The following KPNA4 variants were observed in gnomAD, a reference collection of about 807,000 sequenced individuals.
KPNA4 encodes the protein importin subunit alpha-3.
KPNA4 carries 13 observed loss-of-function variants against 71.3 expected under a neutral mutation model. That is an observed-to-expected ratio of 0.18 (90% CI 0.12 to 0.29). The LOEUF is 0.29. Among genes scored for constraint, KPNA4 ranks in the 10% least tolerant of loss-of-function variants. The probability of loss-of-function intolerance (pLI) is 1.00; values close to 1 mark genes in which losing one functional copy is unlikely to be tolerated. For synonymous variants in KPNA4, 189 were observed against 195.2 expected (o/e 0.97, Z 0.26); for missense variants, 334 against 603.2 (o/e 0.55, Z 4.67).
At chr3:160,536,210 C>T (rs1298862527) in intron 2 of KPNA4, among the ~76,000 whole-genome samples, 1 of 151,982 alleles carries the variant, frequency 6.6e-6, no homozygotes, top group South Asian at 2.1e-4. Context: ...CAGAACCAAA[C>T]ACAAATATTT....
intron 13 of KPNA4, among the ~76,000 whole-genome samples, chr3:160,511,930 T>C (rs1423235976): frequency 3.3e-5 from 5 of 152,006 alleles, no homozygotes; most frequent in African/African-American, 1.2e-4. Flanking sequence ...GATGTAAATA[T>C]AAAATCATAG....
intron 16 of KPNA4, 136 bp downstream of exon 16, chr3:160,504,822 A>G: frequency 2.7e-6 from 1 of 371,908 alleles, no homozygotes; most frequent in Non-Finnish European, 4.7e-6. Flanking sequence ...AAAGCAGGTG[A>G]CATTACTGTC....
intron 1 of KPNA4, among the ~76,000 whole-genome samples, chr3:160,564,056 A>G (rs1722293645): frequency 1.3e-5 from 2 of 152,258 alleles, no homozygotes; most frequent in South Asian, 4.1e-4. Context: ...CGAGAACAAC[A>G]TAAAAAATAC....
intron 1 of KPNA4, among the ~76,000 whole-genome samples, chr3:160,543,552 C>T (rs534056787): frequency 2.6e-5 from 4 of 152,214 alleles, no homozygotes; most frequent in African/African-American, 7.2e-5. Flanking sequence ...AGGCTAGTCT[C>T]GAACTCCTGA....
At chr3:160,505,804 T>C (rs1295530831) in intron 15 of KPNA4, among the ~76,000 whole-genome samples, 1 of 152,202 alleles carries the variant, frequency 6.6e-6, no homozygotes, top group Admixed American at 6.5e-5. Flanking sequence ...CTACTACACA[T>C]AGGCTGAGGA....
chr3:160,532,755 T>C (rs985359246), intron 5 of KPNA4, among the ~76,000 whole-genome samples: 1 of 152,206 alleles, frequency 6.6e-6, no homozygotes, highest in Admixed American at 6.5e-5. Flanking sequence ...TTTATCAATG[T>C]AAACTCCTTG....
At chr3:160,548,226 G>T (rs372744170) in intron 1 of KPNA4, among the ~76,000 whole-genome samples, 52 of 151,988 alleles carry the variant, frequency 3.4e-4, no homozygotes, top group East Asian at 1.2e-3. Context: ...GTTGTTGTTG[G>T]TGGTGGTGGT....
intron 1 of KPNA4, among the ~76,000 whole-genome samples, chr3:160,554,367 C>T (rs1722095508): frequency 6.6e-6 from 1 of 152,194 alleles, no homozygotes; most frequent in South Asian, 2.1e-4. Flanking sequence ...AATCATTCCC[C>T]CTTTTCCCTC....
chr3:160,557,052 G>C (rs1418035741), intron 1 of KPNA4, among the ~76,000 whole-genome samples: 1 of 152,094 alleles, frequency 6.6e-6, no homozygotes, highest in Non-Finnish European at 1.5e-5. Flanking sequence ...CCGGCCTCAA[G>C]GAACCAAATC....
At chr3:160,547,855 C>A (rs923289040) in intron 1 of KPNA4, among the ~76,000 whole-genome samples, 1 of 152,134 alleles carries the variant, frequency 6.6e-6, no homozygotes, top group Non-Finnish European at 1.5e-5. Flanking sequence ...TAGCAATATG[C>A]ATTTAAGATT....
chr3:160,522,882 T>C (rs1196230305), intron 10 of KPNA4, among the ~76,000 whole-genome samples: 3 of 91,700 alleles, frequency 3.3e-5, no homozygotes, highest in African/African-American at 1.4e-4. Flanking sequence ...CTGCTACTTA[T>C]GAAAAAAAAA....
At chr3:160,557,844 T>G (rs1577064556) in intron 1 of KPNA4, among the ~76,000 whole-genome samples, 1 of 152,056 alleles carries the variant, frequency 6.6e-6, no homozygotes, top group East Asian at 1.9e-4. Flanking sequence ...CCAGCTAAAT[T>G]TTTTATTTTT....
intron 1 of KPNA4, among the ~76,000 whole-genome samples, chr3:160,538,209 C>G (rs1439914644): frequency 1.3e-5 from 2 of 150,448 alleles, no homozygotes; most frequent in East Asian, 1.9e-4. Flanking sequence ...ACAAAGGAAA[C>G]TATCTTGATA....
intron 11 of KPNA4, among the ~76,000 whole-genome samples, chr3:160,517,663 G>A (rs1276884918): frequency 1.3e-5 from 2 of 152,066 alleles, no homozygotes; most frequent in Non-Finnish European, 2.9e-5. Flanking sequence ...CCTGGTGGGT[G>A]TGAAGTAGTA....
intron 1 of KPNA4, among the ~76,000 whole-genome samples, chr3:160,538,350 G>C (rs1202967962): frequency 1.3e-5 from 2 of 151,932 alleles, no homozygotes; most frequent in Admixed American, 1.3e-4. Context: ...GACCATAAAT[G>C]CAACAAAGAG....
intron 13 of KPNA4, among the ~76,000 whole-genome samples, chr3:160,513,062 T>C (rs1428649313): frequency 6.6e-6 from 1 of 152,078 alleles, no homozygotes; most frequent in East Asian, 1.9e-4. Context: ...AATCTTAATA[T>C]CACTACATGT....
intron 10 of KPNA4, among the ~76,000 whole-genome samples, chr3:160,525,106 T>C (rs932365356): frequency 2.0e-5 from 3 of 152,198 alleles, no homozygotes; most frequent in African/African-American, 7.2e-5. Flanking sequence ...TCATTCATAC[T>C]CCCTGAGTTG....
chr3:160,549,865 A>G (rs1027962848), intron 1 of KPNA4, among the ~76,000 whole-genome samples: 1 of 152,234 alleles, frequency 6.6e-6, no homozygotes, highest in Non-Finnish European at 1.5e-5. Context: ...ACATTTTAAC[A>G]ATATTAAGTT....
At chr3:160,531,298 T>C (rs1269257797) in intron 6 of KPNA4, among the ~76,000 whole-genome samples, 164 bp downstream of exon 6, 3 of 152,212 alleles carry the variant, frequency 2.0e-5, no homozygotes, top group African/African-American at 2.4e-5. Flanking sequence ...ACTACCTTCA[T>C]CTCTTGGTGT....
Sources: gnomAD v4.1 joint callset for allele counts (sites outside exome capture counted in the v4.1 genomes callset) on GRCh38, gnomAD v4.1.1 for gene constraint, MANE v1.5 for transcripts, NCBI Gene and HGNC (gene_info 2026-07-23, HGNC 2026-07-21) for gene names.